SHROOM3: variants seen among roughly 807,000 people sequenced by gnomAD.
SHROOM3 encodes shroom family member 3, also known as protein Shroom3.
Under a neutral mutation model 138.6 loss-of-function variants are expected in SHROOM3, and 47 were observed. That is an observed-to-expected ratio of 0.34 (90% CI 0.27 to 0.43). The LOEUF is 0.43. Ranked by LOEUF, SHROOM3 falls within the 20% of genes least tolerant of loss-of-function variation. The pLI, the probability that SHROOM3 is intolerant of heterozygous loss-of-function variation, is 1.00. For synonymous variants in SHROOM3, 1,062 were observed against 1,063.3 expected (o/e 1.00, Z 0.02); for missense variants, 2,491 against 2,596.5 (o/e 0.96, Z 0.88).
At chr4:76,441,504 G>T (rs1272038763) in intron 1 of SHROOM3, among the ~76,000 whole-genome samples, 2 of 152,082 alleles carry the variant, frequency 1.3e-5, no homozygotes, top group African/African-American at 4.8e-5. Flanking sequence ...AGATCAGCTC[G>T]TCATTCTGAC....
At chr4:76,499,234 A>T (rs145472933) in intron 1 of SHROOM3, among the ~76,000 whole-genome samples, 34 of 152,308 alleles carry the variant, frequency 2.2e-4, no homozygotes, top group African/African-American at 7.9e-4. Flanking sequence ...TAGCTCTGCC[A>T]CTTCCTAGCT....
chr4:76,451,146 C>T (rs774065838), intron 1 of SHROOM3, among the ~76,000 whole-genome samples: 30 of 152,206 alleles, frequency 2.0e-4, no homozygotes, highest in Admixed American at 1.0e-3. Context: ...GATGGGGCTT[C>T]GCCATGTTGG....
At chr4:76,632,613 G>T (rs564734021) in intron 2 of SHROOM3, among the ~76,000 whole-genome samples, 1 of 152,246 alleles carries the variant, frequency 6.6e-6, no homozygotes, top group East Asian at 1.9e-4. Context: ...AATGGGAAAT[G>T]ACAAAATGAA....
At position 76,491,571 on chromosome 4, in the gene SHROOM3, G is replaced by A. The variant is rs115327562; in HGVS notation, c.168+55351G>A. 5.3e-3 allele frequency among the ~76,000 whole-genome samples: 810 copies of A among 152,274 alleles called. 8 individuals carry two copies. The highest frequency in any genetic ancestry group is 0.019 in the African/African-American group (778 of 41,538). On this transcript the variant is annotated intron_variant, in intron 1 of 10. Coordinates refer to ENST00000296043, the MANE Select transcript of SHROOM3 (RefSeq NM_020859.4). ...CAAGAAAAACCTCTTCCTGCTTTGG[G>A]TTTCAAATGCAAGGATACCATGATG...
chr4:76,689,439 AGGTGGGCGAGCGCCCCGCACCCTC>A (rs1242113922), intron 2 of SHROOM3: 1 of 790,750 alleles, frequency 1.3e-6, no homozygotes, highest in Non-Finnish European at 1.5e-6. Flanking sequence ...GCGGGACGAG[AGGTGGGCGAGCGCCCCGCACCCTC>A]GGCGCGCCGC....
intron 2 of SHROOM3, among the ~76,000 whole-genome samples, chr4:76,686,783 G>C (rs1719348389): frequency 6.6e-6 from 1 of 152,138 alleles, no homozygotes; most frequent in African/African-American, 2.4e-5. Context: ...AGTTGGATTT[G>C]TAGGTTGAAA....
intron 2 of SHROOM3, among the ~76,000 whole-genome samples, chr4:76,609,690 G>C (rs1734721952): frequency 6.6e-6 from 1 of 152,160 alleles, no homozygotes; most frequent in Non-Finnish European, 1.5e-5. Context: ...CAGTCTATCA[G>C]AATAGACTAG....
intron 1 of SHROOM3, among the ~76,000 whole-genome samples, chr4:76,519,073 T>C (rs1299739502): frequency 6.6e-6 from 1 of 152,178 alleles, no homozygotes; most frequent in Non-Finnish European, 1.5e-5. Context: ...AGCTACTCTC[T>C]GGTTGTAAGT....
At position 76,739,547 on chromosome 4, in the gene SHROOM3, T is replaced by C. The variant is rs1721180338; in HGVS notation, c.1374T>C (p.Pro458=). 1 of 1,614,176 alleles carries C rather than the reference T, an allele frequency of 6.2e-7. No homozygotes were observed. The highest frequency in any genetic ancestry group is 1.3e-5 in the African/African-American group (1 of 75,060). ...PKHNYTQKAQ[P]GQPLLPTSIY... Reference sequence around the variant, plus strand: ...ATAACTATACCCAGAAGGCCCAACCTGGCCAACCTCTGCTGCCGACCAGCA... The same window carrying C: ...ATAACTATACCCAGAAGGCCCAACCCGGCCAACCTCTGCTGCCGACCAGCA... The change falls in exon 5 of 11, where the codon CCT becomes CCC. Residue 458 remains proline, a synonymous_variant. Transcript: ENST00000296043.
At chr4:76,436,596 A>G (rs192969734) in intron 1 of SHROOM3, among the ~76,000 whole-genome samples, 99 of 152,298 alleles carry the variant, frequency 6.5e-4, no homozygotes, top group African/African-American at 2.4e-3. Flanking sequence ...TCTCTCTTCA[A>G]CTGAAAATAG....
intron 1 of SHROOM3, among the ~76,000 whole-genome samples, chr4:76,487,263 A>G (rs1294461607): frequency 6.6e-6 from 1 of 152,204 alleles, no homozygotes; most frequent in Non-Finnish European, 1.5e-5. Context: ...GAAGTAGCAT[A>G]TATCAGTACT....
chr4:76,726,974 C>T (rs1720724251), intron 3 of SHROOM3, among the ~76,000 whole-genome samples: 2 of 152,162 alleles, frequency 1.3e-5, no homozygotes, highest in South Asian at 4.1e-4. Flanking sequence ...AAGAGCCGTC[C>T]TTAGTGTCAC....
chr4:76,770,736 T>C lies in SHROOM3; in HGVS notation c.5460T>C (p.Ala1820=), dbSNP rs1267405674. 6.2e-7 allele frequency: 1 copy of C among 1,614,008 alleles called. No homozygotes were observed. The highest frequency in any genetic ancestry group is 8.5e-7 in the Non-Finnish European group (1 of 1,180,038). ...ACGCCCTGGGAGAAGAGGTGGAGGC[T>C]CTGATCAGCGAGCTCTGCAAGCCCA... ...LNNALGEEVE[A]LISELCKPNE... Residue 1820 remains alanine (A), a synonymous_variant, in exon 10 of 11, where the codon GCT becomes GCC. Transcript: ENST00000296043.
At chr4:76,743,268 A>G (rs1342667621) in intron 5 of SHROOM3, among the ~76,000 whole-genome samples, 2 of 152,360 alleles carry the variant, frequency 1.3e-5, no homozygotes, top group East Asian at 1.9e-4. Context: ...GCTGCACTCT[A>G]TCACACGCAT....
In SHROOM3 at chr4:76,681,621, G is replaced by GTA. The variant is rs1395507730; in HGVS notation, c.324-28534_324-28533insAT. ...TGTGTGTGTGTGTGTGTGTGTGTGT[G>GTA]TGTGTGTGTGTGTATGTGTCTGGAT... On this transcript the variant is annotated intron_variant, in intron 2 of 10. Coordinates refer to ENST00000296043, the MANE Select transcript of SHROOM3 (RefSeq NM_020859.4). Among the ~76,000 whole-genome samples, 2 of 26,162 alleles carry GTA rather than the reference G, an allele frequency of 7.6e-5. 1 individual carries two copies. The highest frequency in any genetic ancestry group is 4.3e-4 in the African/African-American group (2 of 4,672). 17.2% of individuals were successfully genotyped at this position (26,162 alleles called of 152,430 possible).
At chr4:76,514,292 A>G (rs1045696360) in intron 1 of SHROOM3, among the ~76,000 whole-genome samples, 45 of 152,342 alleles carry the variant, frequency 3.0e-4, no homozygotes, top group African/African-American at 1.1e-3. Flanking sequence ...AATGTGGTAT[A>G]TCAATATAAT....
intron 2 of SHROOM3, among the ~76,000 whole-genome samples, chr4:76,630,562 G>A (rs1323258956): frequency 6.6e-6 from 1 of 152,194 alleles, no homozygotes; most frequent in Non-Finnish European, 1.5e-5. Flanking sequence ...CCAGGTTTTG[G>A]ATAAATCAGG....
intron 8 of SHROOM3, among the ~76,000 whole-genome samples, chr4:76,759,117 A>G (rs1721909265): frequency 6.6e-6 from 1 of 152,232 alleles, no homozygotes; most frequent in South Asian, 2.1e-4. Flanking sequence ...ACATGTAACC[A>G]AAGGAGTATA....
chr4:76,615,288 A>G (rs1734848767), intron 2 of SHROOM3, among the ~76,000 whole-genome samples: 1 of 152,152 alleles, frequency 6.6e-6, no homozygotes, highest in East Asian at 1.9e-4. Context: ...CAACGCTCTC[A>G]AGTCTTAATA....
Sources: gnomAD v4.1 joint callset for allele counts (sites outside exome capture counted in the v4.1 genomes callset) on GRCh38, gnomAD v4.1.1 for gene constraint, MANE v1.5 for transcripts, NCBI Gene and HGNC (gene_info 2026-07-23, HGNC 2026-07-21) for gene names.